The following CDH22 variants were observed in gnomAD, a reference collection of about 807,000 sequenced individuals.
CDH22 encodes the protein cadherin 22.
Under a neutral mutation model 58.4 loss-of-function variants are expected in CDH22, and 30 were observed. That is an observed-to-expected ratio of 0.51 (90% CI 0.38 to 0.70). The LOEUF is 0.70. CDH22 is among the 30% of genes least tolerant of loss of function. CDH22 has a pLI of 0.00. For missense variants in CDH22, 1,014 were observed against 1,233.9 expected (o/e 0.82, Z 2.67); for synonymous variants, 513 against 558.2 (o/e 0.92, Z 1.14).
chr20:46,293,367 G>A (rs1018292559), intron 1 of CDH22, among the ~76,000 whole-genome samples: 3 of 152,202 alleles, frequency 2.0e-5, no homozygotes, highest in African/African-American at 7.2e-5. Flanking sequence ...ATGGAGACAT[G>A]TGCTTGTAGA....
rs1310683773 is a variant in CDH22 at position 46,181,743 on chromosome 20, C to CTTT, written c.1664-3547_1664-3546insAAA. ...TCCTTCCTTCCTTCCTTCCTTCCTTCCTTCCTTCCTTCTTTCTTTCTTTCT... is the reference window on the plus strand; with the variant it reads ...TCCTTCCTTCCTTCCTTCCTTCCTTCTTTCTTCCTTCCTTCTTTCTTTCTTTCT... On this transcript the variant is annotated intron_variant, in intron 10 of 11. Transcript: ENST00000537909. Among the ~76,000 whole-genome samples, 529 of 90,272 alleles carry CTTT rather than the reference C, an allele frequency of 5.9e-3. 2 individuals carry two copies. Among genetic ancestry groups the CTTT allele is most frequent in the Non-Finnish European group, 9.1e-3 (392 of 43,042 alleles). 59.2% of individuals were successfully genotyped at this position (90,272 alleles called of 152,430 possible).
At chr20:46,290,598 A>C (rs1195089202) in intron 1 of CDH22, among the ~76,000 whole-genome samples, 1 of 152,132 alleles carries the variant, frequency 6.6e-6, no homozygotes, top group Non-Finnish European at 1.5e-5. Context: ...TGAGCTATAG[A>C]GTCAGGTGTG....
rs377425305 is a variant in CDH22, at chr20:46,206,560, T to G, written c.1286+3747A>C. On this transcript the variant is annotated intron_variant, in intron 7 of 11. Transcript: ENST00000537909. ...GCTTGTTCCTGCCTCAGGGCCATTC[T>G]GCTTGCTGTTCCCTCTACCTGGAAT... 3.2e-4 allele frequency among the ~76,000 whole-genome samples: 48 copies of G among 152,246 alleles called. No individual in the cohort carries two copies. In the East Asian group the frequency reaches 8.3e-3, roughly 26 times the overall value.
At chr20:46,226,400 C>T (rs2086175591) in intron 4 of CDH22, among the ~76,000 whole-genome samples, 1 of 151,696 alleles carries the variant, frequency 6.6e-6, no homozygotes, top group Admixed American at 6.6e-5. Flanking sequence ...ATCATCCCAC[C>T]TCAGCCTCCT....
At chr20:46,278,441 C>T (rs1484919274) in intron 1 of CDH22, among the ~76,000 whole-genome samples, 1 of 152,206 alleles carries the variant, frequency 6.6e-6, no homozygotes, top group Non-Finnish European at 1.5e-5. Context: ...CCAGTCCTGC[C>T]TCTGCCACCC....
At chr20:46,281,623 C>T (rs978876429) in intron 1 of CDH22, among the ~76,000 whole-genome samples, 3 of 152,186 alleles carry the variant, frequency 2.0e-5, no homozygotes, top group Non-Finnish European at 4.4e-5. Flanking sequence ...CACAAACTGA[C>T]CCATGTAAGC....
At chr20:46,272,800 A>T (rs2145758948) in intron 1 of CDH22, among the ~76,000 whole-genome samples, 1 of 152,344 alleles carries the variant, frequency 6.6e-6, no homozygotes, top group South Asian at 2.1e-4. Flanking sequence ...CTCACATTGT[A>T]CTGCCAGTGC....
intron 5 of CDH22, among the ~76,000 whole-genome samples, chr20:46,213,440 G>A (rs2086059429): frequency 6.6e-6 from 1 of 152,226 alleles, no homozygotes; most frequent in Admixed American, 6.5e-5. Flanking sequence ...AATGCCTGCA[G>A]TTCTTTGGGC....
intron 1 of CDH22, among the ~76,000 whole-genome samples, chr20:46,268,756 A>G (rs1718344991): frequency 6.6e-6 from 1 of 152,228 alleles, no homozygotes. Context: ...CCCAGCAATC[A>G]TGAGAACTTC....
intron 7 of CDH22, among the ~76,000 whole-genome samples, chr20:46,206,393 CT>C (rs1206931860): frequency 1.3e-5 from 2 of 152,220 alleles, no homozygotes; most frequent in African/African-American, 4.8e-5. Flanking sequence ...CTTCTACTAT[CT>C]CCAGTGCAGA....
At chr20:46,262,784 C>T (rs546839681) in intron 1 of CDH22, among the ~76,000 whole-genome samples, 19 of 152,322 alleles carry the variant, frequency 1.2e-4, no homozygotes, top group African/African-American at 4.1e-4. Context: ...GCCCACTCAA[C>T]GCCCTGCCTG....
At chr20:46,243,735 C>A (rs1430815405) in intron 2 of CDH22, among the ~76,000 whole-genome samples, 2 of 152,102 alleles carry the variant, frequency 1.3e-5, no homozygotes, top group South Asian at 4.2e-4. Context: ...TGCTTCCCAG[C>A]CTGATCTGTT....
Position 46,180,037 on chromosome 20 carries a change from C to A in CDH22, c.1664-1840G>T, listed in dbSNP as rs903813060. Among the ~76,000 whole-genome samples, 5 of 151,674 alleles carry A rather than the reference C, an allele frequency of 3.3e-5. No homozygotes were observed. The South Asian group carries it at 1.0e-3, about 31-fold the overall frequency. The stretch of plus-strand genomic sequence containing the variant: ...CCCTGGGAAGGAAGGATTTATGGCT[C>A]CCCGCTCCCTGCTCTGACTACGCAG... On this transcript the variant is annotated intron_variant, in intron 10 of 11. Coordinates refer to ENST00000537909, the MANE Select transcript of CDH22 (RefSeq NM_021248.3).
chr20:46,251,415 G>A lies in CDH22; in HGVS notation c.-121C>T. The A allele has an allele frequency of 5.9e-6, 7 of 1,186,604 alleles. No individual in the cohort carries two copies. The highest frequency in any genetic ancestry group is 7.6e-6 in the Non-Finnish European group (7 of 922,876). 73.5% of individuals were successfully genotyped at this position (1,186,604 alleles called of 1,614,324 possible). A position where few individuals can be genotyped will look rare whatever the true frequency, so the allele number is the denominator to read the frequency against. ...GTGGCCTCAGCGCGGCCGCCGGGAT[G>A]TCGCCCCCGACGGGGCACCCGGACG... On this transcript the variant is annotated 5_prime_UTR_variant, in exon 2 of 12. Transcript: ENST00000537909. The surrounding 1 kb of genome is among the most constrained non-coding windows in gnomAD (Gnocchi z 6.7).
chr20:46,302,280 G>A (rs1600731686), intron 1 of CDH22, among the ~76,000 whole-genome samples: 1 of 152,150 alleles, frequency 6.6e-6, no homozygotes, highest in African/African-American at 2.4e-5. Context: ...TTGCAGTGGG[G>A]TGGGGGGGAC....
chr20:46,268,982 C>T (rs1044682246), intron 1 of CDH22, among the ~76,000 whole-genome samples: 1 of 152,210 alleles, frequency 6.6e-6, no homozygotes, highest in African/African-American at 2.4e-5. Flanking sequence ...CCCCTGCTTA[C>T]ATTCCCCTAG....
chr20:46,227,494 G>T lies in CDH22; in HGVS notation c.670+14C>A. On this transcript the variant is annotated intron_variant, in intron 4 of 11. Transcript: ENST00000537909. ...GCCCCACGGCTCCGCCTCTGGCCCCGCCCTGCCCCTCACCGGTCTTGGGGT... is the reference window on the plus strand; with the variant it reads ...GCCCCACGGCTCCGCCTCTGGCCCCTCCCTGCCCCTCACCGGTCTTGGGGT... 2 of 576,962 alleles carry T rather than the reference G, an allele frequency of 3.5e-6. No homozygotes were observed. The highest frequency in any genetic ancestry group is 2.8e-6 in the Non-Finnish European group (1 of 351,308). The allele number at this position is 576,962 out of a possible 1,614,324, so 35.7% of individuals were successfully genotyped here.
chr20:46,249,916 T>C (rs1331851389), intron 2 of CDH22, among the ~76,000 whole-genome samples: 2 of 152,210 alleles, frequency 1.3e-5, no homozygotes, highest in Non-Finnish European at 2.9e-5. Flanking sequence ...AGGTGTTTTC[T>C]CCTCCATGAA....
rs80033740 is a variant in CDH22, at chr20:46,249,795, G to A, written c.255+1245C>T. Among the ~76,000 whole-genome samples the A allele has an allele frequency of 1.9e-3, 292 of 152,244 alleles. 8 individuals are homozygous for A. In the East Asian group the frequency reaches 0.049, roughly 26 times the overall value. On this transcript the variant is annotated intron_variant, in intron 2 of 11. Coordinates refer to ENST00000537909, the MANE Select transcript of CDH22 (RefSeq NM_021248.3). ...CCTCCACTTCAACACCTTAACTGCT[G>A]ACAAGGCTCTGAGCAAACCAGCTAC...
Sources: allele counts gnomAD v4.1 joint callset (sites outside exome capture counted in the v4.1 genomes callset), GRCh38; gene constraint gnomAD v4.1.1; non-coding constraint Gnocchi (gnomAD v3.1); transcripts MANE v1.5; gene names NCBI Gene and HGNC (gene_info 2026-07-23, HGNC 2026-07-21).